NLRP3: variants seen among roughly 807,000 people sequenced by gnomAD.
The protein encoded by NLRP3 is NACHT, LRR and PYD domains-containing protein 3.
Under a neutral mutation model 91.3 loss-of-function variants are expected in NLRP3, and 48 were observed. That is an observed-to-expected ratio of 0.53 (90% CI 0.42 to 0.67). The LOEUF (loss-of-function observed/expected upper bound fraction) is 0.67, where lower values mean the gene tolerates loss of function less well. Among genes scored for constraint, NLRP3 ranks in the 30% least tolerant of loss-of-function variants. The probability of loss-of-function intolerance (pLI) is 0.00; values close to 1 mark genes in which losing one functional copy is unlikely to be tolerated. For missense variants in NLRP3, 982 were observed against 1,276.9 expected (o/e 0.77, Z 3.52); for synonymous variants, 561 against 507.9 (o/e 1.10, Z -1.41).
At chr1:247,445,124 C>T (rs766300342) in intron 9 of NLRP3, among the ~76,000 whole-genome samples, 15 of 152,166 alleles carry the variant, frequency 9.9e-5, no homozygotes, top group Non-Finnish European at 1.5e-4. Flanking sequence ...AACCGAACTT[C>T]GTAGAACTCG....
At chr1:247,433,811 G>A (rs944570666) in intron 5 of NLRP3, among the ~76,000 whole-genome samples, 1,178 of 111,770 alleles carry the variant, frequency 0.011, no homozygotes, top group Admixed American at 0.017. Context: ...CTCTGGTCAG[G>A]TGTGTCCTGA....
intron 9 of NLRP3, among the ~76,000 whole-genome samples, chr1:247,447,348 C>A (rs1222184208): frequency 6.6e-6 from 1 of 152,106 alleles, no homozygotes; most frequent in Non-Finnish European, 1.5e-5. Flanking sequence ...GGGCACTCAC[C>A]CCATACTGAG....
At chr1:247,435,063 C>T (rs1663683144) in intron 6 of NLRP3, among the ~76,000 whole-genome samples, 1 of 152,062 alleles carries the variant, frequency 6.6e-6, no homozygotes, top group Non-Finnish European at 1.5e-5. Context: ...ACTAGCCTGG[C>T]CATCATAGTA....
In NLRP3 at chr1:247,418,432, G is replaced by A. The variant is rs202203407; in HGVS notation, c.-369G>A. 2.3e-4 allele frequency: 74 copies of A among 327,688 alleles called. No individual in the cohort carries two copies. The highest frequency in any genetic ancestry group is 4.3e-4 in the Non-Finnish European group (73 of 168,730). The allele number at this position is 327,688 out of a possible 1,614,324, so 20.3% of individuals were successfully genotyped here. ...TTCTCCTACCTCAACTTCCTGAGTA[G>A]CTGGGATTACAGGCGCCCGCCACCA... On this transcript the variant is annotated 5_prime_UTR_variant, in exon 2 of 10. Coordinates refer to ENST00000336119, the MANE Select transcript of NLRP3 (RefSeq NM_001243133.2).
intron 7 of NLRP3, among the ~76,000 whole-genome samples, chr1:247,439,006 T>G (rs67090117): frequency 0.67 from 92,589 of 137,482 alleles, 28,408 homozygotes; most frequent in East Asian, 0.69. Context: ...TCCCTCTATT[T>G]TCCATCCGTC....
At chr1:247,445,839 G>A (rs1472563528) in intron 9 of NLRP3, among the ~76,000 whole-genome samples, 1 of 151,034 alleles carries the variant, frequency 6.6e-6, no homozygotes, top group Non-Finnish European at 1.5e-5. Flanking sequence ...CTTAGTCGCT[G>A]GGCTAATTTT....
At chr1:247,441,968 G>A (rs1220367813) in intron 7 of NLRP3, among the ~76,000 whole-genome samples, 3 of 152,110 alleles carry the variant, frequency 2.0e-5, no homozygotes, top group African/African-American at 7.2e-5. Flanking sequence ...TTTCCTCTTT[G>A]AAGACCATCC....
chr1:247,434,377 T>A, intron 6 of NLRP3, 104 bp downstream of exon 6: 1 of 1,248,698 alleles, frequency 8.0e-7, no homozygotes, highest in Non-Finnish European at 1.2e-6. Flanking sequence ...AGAATGGCCT[T>A]GGCGGCTCGG....
chr1:247,417,007 C>T (rs1662111610), intron 1 of NLRP3, among the ~76,000 whole-genome samples: 1 of 152,182 alleles, frequency 6.6e-6, no homozygotes, highest in Non-Finnish European at 1.5e-5. Context: ...GTTCATCCAT[C>T]CGGACTCTAG....
At chr1:247,417,288 A>C (rs572227428) in intron 1 of NLRP3, among the ~76,000 whole-genome samples, 15 of 151,876 alleles carry the variant, frequency 9.9e-5, no homozygotes, top group Non-Finnish European at 1.9e-4. Context: ...TCCCCCTAAG[A>C]CTCAGTTTAT....
intron 2 of NLRP3, among the ~76,000 whole-genome samples, 186 bp from the exon 3 acceptor site, chr1:247,423,044 A>T (rs182117140): frequency 2.2e-3 from 328 of 152,272 alleles, no homozygotes; most frequent in Middle Eastern, 0.02. Flanking sequence ...TTGTTTTGAA[A>T]CTAGGAGTGC....
At position 247,422,232 on chromosome 1, in the gene NLRP3, A is replaced by G. The variant is rs529459712; in HGVS notation, c.278-998A>G. Among the ~76,000 whole-genome samples the G allele has an allele frequency of 7.9e-5, 12 of 152,076 alleles. No individual in the cohort carries two copies. The East Asian group carries it at 2.3e-3, about 30-fold the overall frequency. ...TGTCTCTACAAAAAATGCAAACATT[A>G]GTTAGGTGTGGTGGCACGTGTCAAT... is the stretch of plus-strand genomic sequence containing the variant. On this transcript the variant is annotated intron_variant, in intron 2 of 9. Transcript: ENST00000336119.
rs1268001415 is a variant in NLRP3 at position 247,425,098 on chromosome 1, A to G, written c.1649A>G (p.Lys550Arg). Residue 550 changes from lysine to arginine, a missense_variant, in exon 4 of 10, where the codon AAG becomes AGG. This residue lies in a region of NLRP3 where 548 missense variants were observed against 713.7 expected (regional missense o/e 0.77). Coordinates refer to ENST00000336119, the MANE Select transcript of NLRP3 (RefSeq NM_001243133.2). This position sits in a 1 kb window ranked among gnomAD's most constrained non-coding sequence, Gnocchi z 4.1. Reference sequence around the variant, plus strand: ...ACGAACGTTCCAGGGAGTCGTTTGAAGCTTCCCAGCCGAGACGTGACAGTC... The same window carrying G: ...ACGAACGTTCCAGGGAGTCGTTTGAGGCTTCCCAGCCGAGACGTGACAGTC... ...GRTNVPGSRL[K>R]LPSRDVTVLL... The G allele has an allele frequency of 3.1e-6, 5 of 1,614,140 alleles. No homozygotes were observed. Among genetic ancestry groups the G allele is most frequent in the Admixed American group, 1.7e-5 (1 of 60,016 alleles).
In NLRP3 at chr1:247,448,674, GCAT is replaced by G. The variant is rs1218842518; in HGVS notation, c.*172_*174del. 6 of 672,010 alleles carry G rather than the reference GCAT, an allele frequency of 8.9e-6. No individual in the cohort carries two copies. Among genetic ancestry groups the G allele is most frequent in the Non-Finnish European group, 1.4e-5 (5 of 367,914 alleles). 41.6% of individuals were successfully genotyped at this position (672,010 alleles called of 1,614,324 possible). On this transcript the variant is annotated 3_prime_UTR_variant, in exon 10 of 10. Coordinates refer to ENST00000336119, the MANE Select transcript of NLRP3 (RefSeq NM_001243133.2). ...CGATGCCTTCCTGTGCAGAGCTTGG[GCAT>G]CTCCTTTACGCCAGGGTGAGGAAGA...
chr1:247,431,927 C>G (rs1334717345), intron 5 of NLRP3, among the ~76,000 whole-genome samples: 3 of 152,028 alleles, frequency 2.0e-5, no homozygotes, highest in Non-Finnish European at 2.9e-5. Context: ...GAGATGGACT[C>G]TCGCCGTGTT....
chr1:247,443,804 CAG>C (rs1455418048), intron 7 of NLRP3, 166 bp from the exon 8 acceptor site: 8 of 679,646 alleles, frequency 1.2e-5, no homozygotes, highest in Middle Eastern at 4.0e-4. Context: ...CTGTGACAGC[CAG>C]AGACAGCAGG....
At chr1:247,428,889 TC>T (rs199724776) in intron 4 of NLRP3, among the ~76,000 whole-genome samples, 48,309 of 126,850 alleles carry the variant, frequency 0.38, 9,911 homozygotes, top group Non-Finnish European at 0.5. Context: ...CTTGCGATTT[TC>T]TTTTTCTTTT....
At chr1:247,435,284 C>A (rs1553290751) in intron 6 of NLRP3, among the ~76,000 whole-genome samples, 1 of 152,060 alleles carries the variant, frequency 6.6e-6, no homozygotes, top group Non-Finnish European at 1.5e-5. Context: ...GTTATTTGTA[C>A]ATCTATGTCC....
At chr1:247,429,839 G>C in intron 5 of NLRP3, 84 bp downstream of exon 5, 1 of 1,534,426 alleles carries the variant, frequency 6.5e-7, no homozygotes, top group Admixed American at 1.7e-5. Flanking sequence ...AGATCTTCAG[G>C]ACCAGGTTGC....
Sources: gnomAD v4.1 joint callset for allele counts (sites outside exome capture counted in the v4.1 genomes callset) on GRCh38, gnomAD v4.1.1 for gene constraint, gnomAD v4.1.1 regional missense constraint, Gnocchi (gnomAD v3.1) non-coding constraint, MANE v1.5 for transcripts, NCBI Gene and HGNC (gene_info 2026-07-23, HGNC 2026-07-21) for gene names.